The following MYH15 variants were observed in gnomAD, a reference collection of about 807,000 sequenced individuals.
MYH15 encodes the protein myosin heavy chain 15, also known as myosin-15.
Under a neutral mutation model 240.5 loss-of-function variants are expected in MYH15, and 227 were observed. The ratio of observed to expected loss-of-function variants is 0.94; its 90% CI spans 0.85 to 1.05. The LOEUF is 1.05. Among genes scored for constraint, MYH15 ranks in the 50% least tolerant of loss-of-function variants. The pLI is 0.00. For synonymous variants in MYH15, 785 were observed against 796.7 expected (o/e 0.99, Z 0.25); for missense variants, 2,217 against 2,247.5 (o/e 0.99, Z 0.27).
intron 25 of MYH15, 129 bp from the exon 26 acceptor site, chr3:108,431,051 T>G: frequency 1.5e-6 from 1 of 653,170 alleles, no homozygotes; most frequent in East Asian, 2.9e-5. Flanking sequence ...CCAATTACCC[T>G]GATTTACTCA....
At position 108,444,708 on chromosome 3, in the gene MYH15, C is replaced by A; in HGVS notation, c.2587G>T (p.Glu863Ter). Residue 863 changes from glutamate (E) to a stop codon, truncating the protein, a stop_gained, in exon 22 of 41, where the codon GAG becomes TAG. Coordinates refer to ENST00000693548, the MANE Select transcript of MYH15 (RefSeq NM_014981.3). LOFTEE classifies it high-confidence loss of function. The stretch of plus-strand genomic sequence containing the variant: ...GATACTTGCTTTGCTTTCAGTTCCT[C>A]CCTCTGAAACTCTGATTTCTCCAAG... ...KALEKSEFQR[E>*]ELKAKQVSLT... 6.2e-7 allele frequency: 1 copy of A among 1,613,970 alleles called. No homozygotes were observed. Among genetic ancestry groups the A allele is most frequent in the East Asian group, 2.2e-5 (1 of 44,862 alleles).
chr3:108,534,037 GCTT>G (rs1357713920), upstream of MYH15, among the ~76,000 whole-genome samples: 1 of 152,172 alleles, frequency 6.6e-6, no homozygotes, highest in African/African-American at 2.4e-5. Context: ...CATTTGAAGA[GCTT>G]TTTTGAAAGA....
At chr3:108,419,520 G>A (rs756518217) in intron 28 of MYH15, among the ~76,000 whole-genome samples, 1 of 152,092 alleles carries the variant, frequency 6.6e-6, no homozygotes, top group Admixed American at 6.5e-5. Flanking sequence ...CTTCCTTTAG[G>A]GCCAGACATC....
At chr3:108,435,596 A>G (rs1382793869) in intron 25 of MYH15, among the ~76,000 whole-genome samples, 2 of 151,570 alleles carry the variant, frequency 1.3e-5, no homozygotes, top group East Asian at 3.9e-4. Context: ...TATTTCCCTT[A>G]GTATAATGTC....
chr3:108,402,943 CTCCT>C (rs2082517450), intron 33 of MYH15, among the ~76,000 whole-genome samples: 2 of 152,222 alleles, frequency 1.3e-5, no homozygotes, highest in Non-Finnish European at 2.9e-5. Flanking sequence ...AGCTCTTCTT[CTCCT>C]TCCATCAGTG....
intron 18 of MYH15, among the ~76,000 whole-genome samples, chr3:108,457,208 C>T (rs2083029647): frequency 6.6e-6 from 1 of 152,156 alleles, no homozygotes; most frequent in African/African-American, 2.4e-5. Context: ...AATGGCTGCT[C>T]TACGTTCATT....
At chr3:108,414,046 T>G (rs2082614508) in intron 30 of MYH15, among the ~76,000 whole-genome samples, 186 bp downstream of exon 30, 1 of 152,192 alleles carries the variant, frequency 6.6e-6, no homozygotes, top group Non-Finnish European at 1.5e-5. Flanking sequence ...ACTTTTTATA[T>G]TTTTAGTCCC....
intron 11 of MYH15, among the ~76,000 whole-genome samples, chr3:108,482,948 A>C (rs2083278001): frequency 6.6e-6 from 1 of 152,106 alleles, no homozygotes. Context: ...TAATCCCAGC[A>C]CTTTGGGAGG....
Position 108,410,684 on chromosome 3 carries a change from T to A in MYH15, c.4394A>T (p.Glu1465Val). 1.9e-6 allele frequency: 3 copies of A among 1,614,176 alleles called. No homozygotes were observed. The highest frequency in any genetic ancestry group is 1.7e-6 in the Non-Finnish European group (2 of 1,180,020). Residue 1465 changes from glutamate (E) to valine (V), a missense_variant, in exon 31 of 41, where the codon GAA (glutamate) becomes GTA (valine). Glu to Val is a moderately radical substitution (Grantham distance 121). Coordinates refer to ENST00000693548, the MANE Select transcript of MYH15 (RefSeq NM_014981.3). ...GAGCTCTGTACTGAGAGCCTGAACT[T>A]CCTTCTGAGAGGCATCCAGCAACGC... Reference protein sequence around the residue: ...SQALLDASQKEVQALSTELLK... With the variant: ...SQALLDASQKVVQALSTELLK...
chr3:108,463,152 A>G lies in MYH15; in HGVS notation c.1823T>C (p.Leu608Pro). 1 of 1,612,640 alleles carries G rather than the reference A, an allele frequency of 6.2e-7. No individual in the cohort carries two copies. The highest frequency in any genetic ancestry group is 1.7e-4 in the Middle Eastern group (1 of 6,048). The change falls in exon 16 of 41, where the codon CTC becomes CCC. Residue 608 changes from leucine (L) to proline (P), a missense_variant. Transcript: ENST00000693548. ...GTAATTTTCAAAAAGGCTCGCCAGGAGTCTGTTGGAAGACTTCTGAAATAC... is the reference window on the plus strand; with the variant it reads ...GTAATTTTCAAAAAGGCTCGCCAGGGGTCTGTTGGAAGACTTCTGAAATAC... ...VAVFQKSSNR[L>P]LASLFENYMS...
At chr3:108,540,256 T>G in the MYH15 span, among the ~76,000 whole-genome samples, 2 of 152,234 alleles carry the variant, frequency 1.3e-5, no homozygotes, top group East Asian at 3.8e-4. Context: ...AATAAAATGT[T>G]AGCTAAAGTC....
rs768324215 is a variant in MYH15 at position 108,456,817 on chromosome 3, A to C, written c.2087T>G (p.Ile696Arg). The change falls in exon 19 of 41, where the codon ATA becomes AGA. Residue 696 changes from isoleucine (I) to arginine (R), a missense_variant. Physicochemically the swap from Ile to Arg is moderately conservative, Grantham distance 97. Coordinates refer to ENST00000693548, the MANE Select transcript of MYH15 (RefSeq NM_014981.3). Reference sequence around the variant, plus strand: ...TCGGTTTGGAAAACCTTCACGGCATATCCTAGTCCCTTCCAAGACACCATT... The same window carrying C: ...TCGGTTTGGAAAACCTTCACGGCATCTCCTAGTCCCTTCCAAGACACCATT... ...RCNGVLEGTR[I>R]CREGFPNRLQ... The C allele has an allele frequency of 1.2e-6, 2 of 1,613,860 alleles. No homozygotes were observed. Among genetic ancestry groups the C allele is most frequent in the Non-Finnish European group, 1.7e-6 (2 of 1,179,840 alleles).
At chr3:108,486,783 G>C (rs2083309300) in intron 9 of MYH15, among the ~76,000 whole-genome samples, 1 of 151,672 alleles carries the variant, frequency 6.6e-6, no homozygotes, top group South Asian at 2.1e-4. Flanking sequence ...AGTTTCAATT[G>C]GTGTAAAAAA....
chr3:108,436,384 G>A (rs999109842), intron 25 of MYH15, among the ~76,000 whole-genome samples: 1 of 152,052 alleles, frequency 6.6e-6, no homozygotes, highest in Non-Finnish European at 1.5e-5. Flanking sequence ...CACCTATTAA[G>A]CCCAGTAACT....
In MYH15 at chr3:108,428,691, C is replaced by T. The variant is rs776507202; in HGVS notation, c.3503G>A (p.Arg1168Gln). 76 of 1,613,720 alleles carry T rather than the reference C, an allele frequency of 4.7e-5. No homozygotes were observed. Among genetic ancestry groups the T allele is most frequent in the Non-Finnish European group, 6.0e-5 (71 of 1,179,988 alleles). ...GTGCAGAGTGGCCTCTTCCATGTCTCGGTGCAGCTTCTGGAATTTGGTTTC... is the reference window on the plus strand; with the variant it reads ...GTGCAGAGTGGCCTCTTCCATGTCTTGGTGCAGCTTCTGGAATTTGGTTTC... ...KQETKFQKLH[R>Q]DMEEATLHFE... Residue 1168 changes from arginine to glutamine, a missense_variant, in exon 27 of 41, where the codon CGA becomes CAA. Arg to Gln is a conservative substitution (Grantham distance 43, BLOSUM62 1). Coordinates refer to ENST00000693548, the MANE Select transcript of MYH15 (RefSeq NM_014981.3).
chr3:108,388,503 T>C (rs1483597513), intron 38 of MYH15, among the ~76,000 whole-genome samples: 1 of 152,146 alleles, frequency 6.6e-6, no homozygotes, highest in Non-Finnish European at 1.5e-5. Flanking sequence ...CCAGCAACAG[T>C]GTCCTCAGTG....
chr3:108,382,011 T>G (rs1286224784), intron 40 of MYH15, among the ~76,000 whole-genome samples: 3 of 152,234 alleles, frequency 2.0e-5, no homozygotes, highest in Non-Finnish European at 4.4e-5. Flanking sequence ...CTCTGGCCTC[T>G]CAAAAGCAAT....
chr3:108,499,669 T>C (rs1473544982), intron 4 of MYH15, among the ~76,000 whole-genome samples, 187 bp from the exon 5 acceptor site: 2 of 152,196 alleles, frequency 1.3e-5, no homozygotes, highest in African/African-American at 4.8e-5. Flanking sequence ...CTTGCCCCTA[T>C]GTATGCCAAT....
rs1261648781 is a variant in MYH15 at position 108,486,428 on chromosome 3, T to C, written c.970A>G (p.Thr324Ala). 1 of 1,609,232 alleles carries C rather than the reference T, an allele frequency of 6.2e-7. No individual in the cohort carries two copies. Among genetic ancestry groups the C allele is most frequent in the Non-Finnish European group, 8.5e-7 (1 of 1,176,294 alleles). ...SLDDAEELLA[T>A]EQAMDILGFL... ...TGACAACTAACAAGCCTTACTTCTG[T>C]GGCCAGCAATTCTTCAGCATCATCC... Residue 324 changes from threonine (T) to alanine (A), a missense_variant, in exon 10 of 41, where the codon ACA (threonine) becomes GCA (alanine). Coordinates refer to ENST00000693548, the MANE Select transcript of MYH15 (RefSeq NM_014981.3).
Sources: gnomAD v4.1 joint callset for allele counts (sites outside exome capture counted in the v4.1 genomes callset) on GRCh38, gnomAD v4.1.1 for gene constraint, MANE v1.5 for transcripts, NCBI Gene and HGNC (gene_info 2026-07-23, HGNC 2026-07-21) for gene names.